Variants in CYRIB observed in about 807,000 individuals in gnomAD.
CYRIB encodes the protein CYFIP related Rac1 interactor B.
Under a neutral mutation model 44.2 loss-of-function variants are expected in CYRIB, and 8 were observed. The observed-to-expected ratio is 0.18, with a 90% CI of 0.11 to 0.33. CYRIB has a LOEUF of 0.33. CYRIB is among the 10% of genes least tolerant of loss of function. The pLI, the probability that CYRIB is intolerant of heterozygous loss-of-function variation, is 1.00. For synonymous variants in CYRIB, 131 were observed against 127.2 expected, an observed-to-expected ratio of 1.03 and a Z score of -0.20; for missense variants, 185 against 382.8, an observed-to-expected ratio of 0.48 and a Z score of 4.31.
Position 129,919,963 on chromosome 8 carries a change from C to T in CYRIB, c.-49-16613G>A, listed in dbSNP as rs981045205. 4.6e-5 allele frequency among the ~76,000 whole-genome samples: 7 copies of T among 151,952 alleles called. 1 individual carries two copies. Among genetic ancestry groups the T allele is most frequent in the Admixed American group, 3.3e-4 (5 of 15,262 alleles). The stretch of plus-strand genomic sequence containing the variant: ...CTGATTTATTCAATAATTTCTATCC[C>T]GTTTGCTATCCATGTTTGAACCTTA... On this transcript the variant is annotated intron_variant, in intron 1 of 11. Coordinates refer to ENST00000519824, the Ensembl canonical transcript of CYRIB.
Position 129,842,213 on chromosome 8 carries a change from A to G in CYRIB, c.912-8T>C, listed in dbSNP as rs551104472. The stretch of plus-strand genomic sequence containing the variant: ...AAATGTTTTGTTGTGTACCTAAAAA[A>G]AGAAAAGAAAAAAGATCAATTTTAG... On this transcript the variant is annotated splice_region_variant and splice_polypyrimidine_tract_variant and intron_variant, in intron 11 of 11. Transcript: ENST00000519824. 4.8e-5 allele frequency: 76 copies of G among 1,598,120 alleles called. No homozygotes were observed. In the South Asian group the frequency reaches 8.1e-4, roughly 17 times the overall value.
chr8:129,906,524 T>C (rs1325443578), intron 1 of CYRIB, among the ~76,000 whole-genome samples: 1 of 152,152 alleles, frequency 6.6e-6, no homozygotes, highest in Admixed American at 6.5e-5. Context: ...CGCAATACCA[T>C]TCAGGACATA....
chr8:129,934,881 T>C (rs1187780638), intron 1 of CYRIB, among the ~76,000 whole-genome samples: 1 of 152,230 alleles, frequency 6.6e-6, no homozygotes, highest in Non-Finnish European at 1.5e-5. Context: ...GACTTAGACC[T>C]TAGTTATAGA....
intron 1 of CYRIB, among the ~76,000 whole-genome samples, chr8:129,916,545 A>G (rs1342210831): frequency 6.6e-6 from 1 of 152,174 alleles, no homozygotes; most frequent in East Asian, 1.9e-4. Context: ...GCCCCCTAAC[A>G]GCCTATGCCC....
chr8:129,932,574 AC>A (rs1425344400), intron 1 of CYRIB, among the ~76,000 whole-genome samples: 1 of 152,196 alleles, frequency 6.6e-6, no homozygotes, highest in Non-Finnish European at 1.5e-5. Context: ...TACTCTGGCT[AC>A]TACTATTATA....
chr8:129,869,178 G>T (rs2055690440), intron 4 of CYRIB, among the ~76,000 whole-genome samples: 1 of 151,678 alleles, frequency 6.6e-6, no homozygotes, highest in Non-Finnish European at 1.5e-5. Flanking sequence ...ATGAGGTCAG[G>T]AGTTTGAGAC....
At chr8:129,971,179 G>A (rs549599735) in intron 1 of CYRIB, among the ~76,000 whole-genome samples, 184 bp from the exon 2 acceptor site, 4 of 152,210 alleles carry the variant, frequency 2.6e-5, no homozygotes, top group South Asian at 4.1e-4. Flanking sequence ...TTGCTCTGTC[G>A]CCTAGGCTGG....
intron 4 of CYRIB, 138 bp downstream of exon 6, chr8:129,871,237 G>A: frequency 9.8e-7 from 1 of 1,021,966 alleles, no homozygotes. Context: ...AATCACTTCT[G>A]AAACAATGCC....
At chr8:130,016,509 G>GGCAGCA (rs543173556), upstream of CYRIB, 3 of 157,916 alleles carry the variant, frequency 1.9e-5, no homozygotes, top group South Asian at 3.2e-4. Flanking sequence ...CCGCCGCGGC[G>GGCAGCA]GCAGCAGCAG....
intron 3 of CYRIB, among the ~76,000 whole-genome samples, chr8:129,872,640 G>A (rs2057726930): frequency 1.3e-5 from 2 of 151,958 alleles, no homozygotes; most frequent in South Asian, 4.1e-4. Context: ...TCATATTTTA[G>A]AGAAAAATGA....
At chr8:129,977,826 C>T (rs1021908076) in intron 1 of CYRIB, among the ~76,000 whole-genome samples, 80 of 152,146 alleles carry the variant, frequency 5.3e-4, no homozygotes, top group African/African-American at 1.8e-3. Context: ...GCCACTGCTC[C>T]CGTCCTGTCC....
intron 1 of CYRIB, among the ~76,000 whole-genome samples, chr8:130,008,658 G>T (rs139652033): frequency 2.6e-4 from 39 of 152,154 alleles, no homozygotes; most frequent in Non-Finnish European, 5.1e-4. Context: ...AGTTATGAAG[G>T]CATGTTTAGG....
chr8:129,927,193 GA>G (rs1479114043), intron 1 of CYRIB, among the ~76,000 whole-genome samples: 2 of 152,162 alleles, frequency 1.3e-5, no homozygotes, highest in African/African-American at 2.4e-5. Flanking sequence ...TTGGGAGGCT[GA>G]GGCAGGAGAA....
intron 5 of CYRIB, among the ~76,000 whole-genome samples, chr8:129,856,947 T>C (rs910563629): frequency 2.0e-5 from 3 of 152,242 alleles, no homozygotes; most frequent in African/African-American, 4.8e-5. Flanking sequence ...TTACTACCAA[T>C]AGTACCAATT....
chr8:129,866,476 A>G lies in CYRIB; in HGVS notation c.196-4142T>C, dbSNP rs373427817. ...TAGAAAGTTCACAGAAGTTCTTGAG[A>G]TCTAAATTCCTTTCTACTAAAAAAA... On this transcript the variant is annotated intron_variant, in intron 4 of 11. Coordinates refer to ENST00000519824, the Ensembl canonical transcript of CYRIB. 5.7e-4 allele frequency among the ~76,000 whole-genome samples: 86 copies of G among 151,868 alleles called. 1 individual carries two copies. The East Asian group carries it at 0.014, about 26-fold the overall frequency.
chr8:129,955,994 C>T (rs2094804617), intron 2 of CYRIB, among the ~76,000 whole-genome samples: 1 of 152,128 alleles, frequency 6.6e-6, no homozygotes, highest in Non-Finnish European at 1.5e-5. Context: ...CACAATGGTC[C>T]CTCTGGGGTC....
intron 1 of CYRIB, among the ~76,000 whole-genome samples, chr8:129,984,932 G>A (rs954443281): frequency 7.9e-5 from 12 of 152,180 alleles, no homozygotes; most frequent in African/African-American, 2.4e-4. Context: ...GTACCACCAC[G>A]CCAGGCTAAT....
intron 1 of CYRIB, among the ~76,000 whole-genome samples, chr8:129,921,823 G>C (rs904613935): frequency 6.6e-6 from 1 of 152,112 alleles, no homozygotes; most frequent in African/African-American, 2.4e-5. Flanking sequence ...CTATCAGACA[G>C]CTTGCCTGGA....
At chr8:129,975,142 G>A (rs1449265416) in intron 1 of CYRIB, among the ~76,000 whole-genome samples, 2 of 152,026 alleles carry the variant, frequency 1.3e-5, no homozygotes, top group Non-Finnish European at 2.9e-5. Flanking sequence ...GCCTCCCAAA[G>A]TGCTGGGATT....
Sources: gnomAD v4.1 joint callset for allele counts (sites outside exome capture counted in the v4.1 genomes callset) on GRCh38, gnomAD v4.1.1 for gene constraint, MANE v1.5 for transcripts, NCBI Gene and HGNC (gene_info 2026-07-23, HGNC 2026-07-21) for gene names.